Variants in C12orf42 observed in about 807,000 individuals in gnomAD.
The protein encoded by C12orf42 is chromosome 12 open reading frame 42.
C12orf42 carries 25 observed loss-of-function variants against 21.6 expected under a neutral mutation model. That is an observed-to-expected ratio of 1.16 (90% CI 0.84 to 1.62). The LOEUF is 1.62. Among genes scored for constraint, C12orf42 ranks in the 40% most tolerant of loss-of-function variants. The pLI is 0.00. For missense variants in C12orf42, 483 were observed against 459.3 expected, an observed-to-expected ratio of 1.05 and a Z score of -0.47; for synonymous variants, 174 against 175.0, an observed-to-expected ratio of 0.99 and a Z score of 0.05.
intron 5 of C12orf42, among the ~76,000 whole-genome samples, chr12:103,272,052 C>A (rs563584888): frequency 4.4e-4 from 67 of 152,246 alleles, no homozygotes; most frequent in Admixed American, 7.8e-4. Flanking sequence ...GATTGGCCAA[C>A]TCTCAAGTTT....
the C12orf42 span, among the ~76,000 whole-genome samples, chr12:103,115,001 C>T: frequency 1.3e-5 from 2 of 152,190 alleles, no homozygotes; most frequent in Non-Finnish European, 2.9e-5. Flanking sequence ...TGGTCTTTGC[C>T]GTGACCAATT....
chr12:103,552,602 C>T, the C12orf42 span, among the ~76,000 whole-genome samples: 49 of 152,144 alleles, frequency 3.2e-4, 1 homozygote, highest in Non-Finnish European at 5.4e-4. Context: ...AGAGACAATG[C>T]TTGAGGTAGA....
the C12orf42 span, chr12:103,168,030 C>G: frequency 2.2e-6 from 1 of 455,488 alleles, no homozygotes; most frequent in African/African-American, 2.0e-5. Flanking sequence ...ACATGCATCT[C>G]TTTATAGGTG....
the C12orf42 span, among the ~76,000 whole-genome samples, chr12:103,084,389 T>C: frequency 6.6e-6 from 1 of 152,134 alleles, no homozygotes; most frequent in Non-Finnish European, 1.5e-5. Context: ...TGTTATACAC[T>C]ACTTTTTTTT....
At chr12:103,118,270 C>A in the C12orf42 span, among the ~76,000 whole-genome samples, 1 of 152,044 alleles carries the variant, frequency 6.6e-6, no homozygotes, top group Non-Finnish European at 1.5e-5. Flanking sequence ...CAAAAGGAGA[C>A]CTTTAATAAA....
chr12:103,497,827 C>T (rs1955605326), upstream of C12orf42, among the ~76,000 whole-genome samples: 1 of 152,006 alleles, frequency 6.6e-6, no homozygotes, highest in Non-Finnish European at 1.5e-5. Context: ...GTCTGGAGAT[C>T]GATACCATCC....
At chr12:103,193,958 A>G in the C12orf42 span, among the ~76,000 whole-genome samples, 1 of 152,142 alleles carries the variant, frequency 6.6e-6, no homozygotes, top group Non-Finnish European at 1.5e-5. Context: ...TTCAAACCAC[A>G]TTAGAAGCAT....
At chr12:103,533,817 C>T in the C12orf42 span, among the ~76,000 whole-genome samples, 1 of 152,116 alleles carries the variant, frequency 6.6e-6, no homozygotes, top group Non-Finnish European at 1.5e-5. Context: ...AAATGATAAC[C>T]TTTCAACGAT....
chr12:103,425,373 C>T (rs1016827172), intron 2 of C12orf42, among the ~76,000 whole-genome samples: 5 of 152,202 alleles, frequency 3.3e-5, no homozygotes, highest in African/African-American at 1.2e-4. Flanking sequence ...GGTGCCTGCC[C>T]CCCGTGCCTC....
chr12:103,058,753 G>A, the C12orf42 span, among the ~76,000 whole-genome samples: 1 of 152,136 alleles, frequency 6.6e-6, no homozygotes, highest in Non-Finnish European at 1.5e-5. Flanking sequence ...CGAAATTAAG[G>A]CAGAAACCAA....
chr12:103,171,861 G>C, the C12orf42 span, among the ~76,000 whole-genome samples: 1 of 152,084 alleles, frequency 6.6e-6, no homozygotes, highest in Admixed American at 6.6e-5. Context: ...TAATTAGTGG[G>C]CCAGGGATGA....
At chr12:103,388,820 C>A (rs2138389525) in intron 3 of C12orf42, among the ~76,000 whole-genome samples, 1 of 152,346 alleles carries the variant, frequency 6.6e-6, no homozygotes. Context: ...CTACAGTGTT[C>A]TCCCTGCTCT....
chr12:103,399,254 C>G (rs1418023515), intron 3 of C12orf42, among the ~76,000 whole-genome samples: 1 of 151,716 alleles, frequency 6.6e-6, no homozygotes, highest in Non-Finnish European at 1.5e-5. Context: ...TTGCTTTGAA[C>G]CCCGAGGACA....
chr12:103,145,146 A>C, the C12orf42 span, among the ~76,000 whole-genome samples: 5 of 152,144 alleles, frequency 3.3e-5, no homozygotes, highest in African/African-American at 7.2e-5. Flanking sequence ...CTCCCCAAAA[A>C]ACTCAAACTT....
At chr12:103,117,636 A>G in the C12orf42 span, among the ~76,000 whole-genome samples, 2,458 of 152,336 alleles carry the variant, frequency 0.016, 77 homozygotes, top group African/African-American at 0.056. Flanking sequence ...TCTGCAGGTG[A>G]GGAAACTGAA....
chr12:103,460,876 T>G (rs1238581673), intron 2 of C12orf42, among the ~76,000 whole-genome samples: 4 of 152,184 alleles, frequency 2.6e-5, no homozygotes, highest in Non-Finnish European at 5.9e-5. Flanking sequence ...TCCCATCCTC[T>G]AACAAGCTTC....
At chr12:103,168,500 G>C in the C12orf42 span, among the ~76,000 whole-genome samples, 1 of 152,112 alleles carries the variant, frequency 6.6e-6, no homozygotes, top group East Asian at 1.9e-4. Context: ...GCTTTACATA[G>C]TGAGCTTACA....
chr12:103,556,579 A>G, the C12orf42 span, among the ~76,000 whole-genome samples: 1 of 152,198 alleles, frequency 6.6e-6, no homozygotes, highest in Non-Finnish European at 1.5e-5. Flanking sequence ...TAACCTGGTT[A>G]TGGAGAGATC....
intron 1 of C12orf42, among the ~76,000 whole-genome samples, chr12:103,487,516 C>T (rs1954914767): frequency 6.6e-6 from 1 of 152,176 alleles, no homozygotes; most frequent in African/African-American, 2.4e-5. Flanking sequence ...TCCTTGTTAA[C>T]CTTCTTTCTC....
Sources: gnomAD v4.1 joint callset for allele counts (sites outside exome capture counted in the v4.1 genomes callset) on GRCh38, gnomAD v4.1.1 for gene constraint, MANE v1.5 for transcripts, NCBI Gene and HGNC (gene_info 2026-07-23, HGNC 2026-07-21) for gene names.